ADAD1: variants seen among roughly 807,000 people sequenced by gnomAD.
The protein encoded by ADAD1 is adenosine deaminase domain containing 1, also known as adenosine deaminase domain-containing protein 1.
ADAD1 carries 46 observed loss-of-function variants against 66.8 expected under a neutral mutation model. The observed-to-expected ratio is 0.69, with a 90% CI of 0.54 to 0.88. ADAD1 has a LOEUF of 0.88. ADAD1 is among the 40% of genes least tolerant of loss of function. The pLI is 0.00. For missense variants in ADAD1, 617 were observed against 681.8 expected (o/e 0.91, Z 1.06); for synonymous variants, 248 against 229.4 (o/e 1.08, Z -0.73).
chr4:122,386,412 G>A (rs1795175087), intron 5 of ADAD1, among the ~76,000 whole-genome samples: 1 of 152,140 alleles, frequency 6.6e-6, no homozygotes, highest in African/African-American at 2.4e-5. Flanking sequence ...TTGTAAATAT[G>A]TTTAAGTTCC....
intron 6 of ADAD1, among the ~76,000 whole-genome samples, chr4:122,393,945 A>G (rs1795577256): frequency 6.6e-6 from 1 of 152,158 alleles, no homozygotes; most frequent in South Asian, 2.1e-4. Context: ...GCTTGTCATG[A>G]ACGAAAACCA....
rs1250902854 is a variant in ADAD1, at chr4:122,383,784, G to C, written c.362-15G>C. ...TAAAAATTATTGTAGCATTCATTCTGAGTTCTTTTTCAAGGTAATGTTATG... is the reference window on the plus strand; with the variant it reads ...TAAAAATTATTGTAGCATTCATTCTCAGTTCTTTTTCAAGGTAATGTTATG... On this transcript the variant is annotated splice_polypyrimidine_tract_variant and intron_variant, in intron 4 of 12. Coordinates refer to ENST00000296513, the MANE Select transcript of ADAD1 (RefSeq NM_139243.4). 6.3e-7 allele frequency: 1 copy of C among 1,575,806 alleles called. No homozygotes were observed. The highest frequency in any genetic ancestry group is 1.2e-5 in the South Asian group (1 of 82,170).
In ADAD1 at chr4:122,412,804, T is replaced by G; in HGVS notation, c.1244T>G (p.Leu415Arg). 6.2e-7 allele frequency: 1 copy of G among 1,612,016 alleles called. No homozygotes were observed. Among genetic ancestry groups the G allele is most frequent in the Non-Finnish European group, 8.5e-7 (1 of 1,178,414 alleles). Residue 415 changes from leucine (L) to arginine (R), a missense_variant, in exon 10 of 13, where the codon CTT becomes CGT. Transcript: ENST00000296513. Reference sequence around the variant, plus strand: ...CAGCCAGTTTACATCAGCAGTATACTTATTGGTGAGTGGGATTTCAGAACC... The same window carrying G: ...CAGCCAGTTTACATCAGCAGTATACGTATTGGTGAGTGGGATTTCAGAACC... ...FIQPVYISSI[L>R]IGDGNCSDTR...
At chr4:122,397,020 T>G (rs1795749803) in intron 7 of ADAD1, among the ~76,000 whole-genome samples, 1 of 152,152 alleles carries the variant, frequency 6.6e-6, no homozygotes, top group South Asian at 2.1e-4. Flanking sequence ...TTAGAATCTT[T>G]TGGAATAGGC....
chr4:122,426,654 C>T (rs1187816964), intron 12 of ADAD1, among the ~76,000 whole-genome samples: 1 of 152,126 alleles, frequency 6.6e-6, no homozygotes, highest in Non-Finnish European at 1.5e-5. Flanking sequence ...GTGGTTTATA[C>T]CAGGAATGCA....
At chr4:122,382,366 C>T (rs1794942067) in intron 4 of ADAD1, among the ~76,000 whole-genome samples, 1 of 152,192 alleles carries the variant, frequency 6.6e-6, no homozygotes, top group South Asian at 2.1e-4. Context: ...TAGATTTACA[C>T]TAAAGTTTGA....
intron 11 of ADAD1, among the ~76,000 whole-genome samples, 160 bp downstream of exon 11, chr4:122,415,776 T>G (rs565435670): frequency 6.6e-6 from 1 of 152,298 alleles, no homozygotes; most frequent in African/African-American, 2.4e-5. Flanking sequence ...TTGTACTAAT[T>G]TTAAAAATTT....
intron 8 of ADAD1, 62 bp downstream of exon 8, chr4:122,408,093 T>C: frequency 1.4e-6 from 2 of 1,476,046 alleles, no homozygotes; most frequent in Admixed American, 2.1e-5. Flanking sequence ...AGTAACTTCA[T>C]ATAAATGTCT....
intron 10 of ADAD1, among the ~76,000 whole-genome samples, chr4:122,413,644 A>G (rs569112421): frequency 1.3e-5 from 2 of 152,014 alleles, no homozygotes; most frequent in East Asian, 1.9e-4. Flanking sequence ...AATCCTTCCT[A>G]GTGAAGAAAT....
chr4:122,387,731 A>G (rs960549520), intron 5 of ADAD1, among the ~76,000 whole-genome samples: 4 of 150,744 alleles, frequency 2.7e-5, no homozygotes, highest in African/African-American at 9.7e-5. Flanking sequence ...AATACCTTAT[A>G]TATTGAGAGG....
Position 122,381,115 on chromosome 4 carries a change from C to G in ADAD1, c.296C>G (p.Ser99Ter), listed in dbSNP as rs761655210. 1 of 1,602,848 alleles carries G rather than the reference C, an allele frequency of 6.2e-7. No homozygotes were observed. Among genetic ancestry groups the G allele is most frequent in the Non-Finnish European group, 8.5e-7 (1 of 1,177,880 alleles). Reference protein sequence around the residue: ...KYKRGEINPVSALHQFAQMQR... With the variant: ...KYKRGEINPV ...AAACGTGGAGAGATAAATCCTGTGT[C>G]AGCCTTGCACCAGTTTGCACAAATG... The change falls in exon 4 of 13, where the codon TCA (serine) becomes TGA (stop). Residue 99 changes from serine (S) to a stop codon, truncating the protein, a stop_gained. Coordinates refer to ENST00000296513, the MANE Select transcript of ADAD1 (RefSeq NM_139243.4). LOFTEE classifies it high-confidence loss of function.
chr4:122,417,570 A>G (rs1012400474), intron 11 of ADAD1, among the ~76,000 whole-genome samples: 7 of 152,190 alleles, frequency 4.6e-5, no homozygotes, highest in Admixed American at 6.5e-5. Flanking sequence ...CTGCTAATAG[A>G]GACAACAATT....
chr4:122,391,389 T>C (rs1795430333), intron 5 of ADAD1, among the ~76,000 whole-genome samples: 1 of 152,222 alleles, frequency 6.6e-6, no homozygotes. Flanking sequence ...TTGTCCTTTG[T>C]TGGAGAGGGT....
intron 5 of ADAD1, among the ~76,000 whole-genome samples, chr4:122,386,501 T>C (rs1795179942): frequency 6.6e-6 from 1 of 152,216 alleles, no homozygotes; most frequent in Non-Finnish European, 1.5e-5. Flanking sequence ...GCCTGTTTGA[T>C]CACAGTTTCT....
intron 7 of ADAD1, among the ~76,000 whole-genome samples, chr4:122,399,955 A>G (rs1254896658): frequency 2.6e-5 from 4 of 152,056 alleles, no homozygotes; most frequent in Non-Finnish European, 5.9e-5. Context: ...GAACAGTGAC[A>G]GTTTGACTCC....
At chr4:122,403,670 T>TG (rs1796076693) in intron 7 of ADAD1, among the ~76,000 whole-genome samples, 1 of 152,016 alleles carries the variant, frequency 6.6e-6, no homozygotes, top group Admixed American at 6.6e-5. Flanking sequence ...CGTAGGAGAA[T>TG]GGGGGGATAT....
chr4:122,407,523 A>T (rs191775022), intron 7 of ADAD1, among the ~76,000 whole-genome samples: 4 of 152,330 alleles, frequency 2.6e-5, no homozygotes, highest in Non-Finnish European at 5.9e-5. Flanking sequence ...GAAAAATTAG[A>T]GGCATTAAAT....
In ADAD1 at chr4:122,381,017, C is replaced by T. The variant is rs756825904; in HGVS notation, c.198C>T (p.Ser66=). ...VTGNFPEPLL[S]KNLSSISNPV... is the part of the protein sequence containing the mutation. ...GTAATTTTCCAGAGCCGTTGCTTTC[C>T]AAGAATCTTTCATCTATTTCAAATC... is the stretch of plus-strand genomic sequence containing the variant. Residue 66 remains serine, a synonymous_variant, in exon 4 of 13, where the codon TCC becomes TCT. Transcript: ENST00000296513. 1.3e-6 allele frequency: 2 copies of T among 1,595,012 alleles called. No homozygotes were observed. Among genetic ancestry groups the T allele is most frequent in the Non-Finnish European group, 1.7e-6 (2 of 1,175,782 alleles).
chr4:122,427,696 G>A (rs999646755), intron 12 of ADAD1, among the ~76,000 whole-genome samples: 3 of 151,546 alleles, frequency 2.0e-5, no homozygotes, highest in South Asian at 2.1e-4. Flanking sequence ...CACCACGCCC[G>A]GCTAATTTTT....
Sources: gnomAD v4.1 joint callset for allele counts (sites outside exome capture counted in the v4.1 genomes callset) on GRCh38, gnomAD v4.1.1 for gene constraint, MANE v1.5 for transcripts, NCBI Gene and HGNC (gene_info 2026-07-23, HGNC 2026-07-21) for gene names.